OSBPL5: variants seen among roughly 807,000 people sequenced by gnomAD.
OSBPL5 encodes oxysterol-binding protein-related protein 5.
In OSBPL5, 71 loss-of-function variants were observed where a neutral mutation model predicts 111.2. The ratio of observed to expected loss-of-function variants is 0.64; its 90% CI spans 0.53 to 0.78. The LOEUF (loss-of-function observed/expected upper bound fraction) is 0.78. Among genes scored for constraint, OSBPL5 ranks in the 30% least tolerant of loss-of-function variants. OSBPL5 has a pLI of 0.00. For synonymous variants in OSBPL5, 549 were observed against 513.9 expected (o/e 1.07, Z -0.93); for missense variants, 1,210 against 1,189.3 (o/e 1.02, Z -0.26).
rs749891136 is a variant in OSBPL5 at position 3,104,320 on chromosome 11, T to C, written c.1117A>G (p.Thr373Ala). Residue 373 changes from threonine (T) to alanine (A), a missense_variant, in exon 10 of 22, where the codon ACC (threonine) becomes GCC (alanine). Physicochemically the swap from Thr to Ala is moderately conservative, Grantham distance 58 (BLOSUM62 0). Coordinates refer to ENST00000263650, the MANE Select transcript of OSBPL5 (RefSeq NM_020896.4). This position sits in a 1 kb window ranked among gnomAD's most constrained non-coding sequence, Gnocchi z 5.0. Reference sequence around the variant, plus strand: ...CCTGGCCGTAGCTGCTTCAGCAGGGTCCACATCAGACTCTTGTTCTCCTCT... The same window carrying C: ...CCTGGCCGTAGCTGCTTCAGCAGGGCCCACATCAGACTCTTGTTCTCCTCT... ...VSEENKSLMW[T>A]LLKQLRPGMD... 1 of 1,613,416 alleles carries C rather than the reference T, an allele frequency of 6.2e-7. No individual in the cohort carries two copies. Among genetic ancestry groups the C allele is most frequent in the Non-Finnish European group, 8.5e-7 (1 of 1,179,976 alleles).
chr11:3,123,496 G>A (rs750592222), intron 3 of OSBPL5, among the ~76,000 whole-genome samples: 2 of 152,270 alleles, frequency 1.3e-5, no homozygotes, highest in African/African-American at 2.4e-5. Flanking sequence ...TTGGATGGCT[G>A]TGCTGAGTAC....
intron 14 of OSBPL5, among the ~76,000 whole-genome samples, chr11:3,099,432 C>T (rs1021019654): frequency 3.9e-5 from 6 of 152,126 alleles, no homozygotes; most frequent in Non-Finnish European, 7.4e-5. Flanking sequence ...AAATGTAGCA[C>T]CTCAGTGTGA....
In OSBPL5 at chr11:3,142,378, G is replaced by T. The variant is rs1464440407; in HGVS notation, c.-21-13209C>A. ...CAGATGGTCCAAGAGAACACTTTCT[G>T]GGCTGCTGGTCTGTACAACTGGGAA... On this transcript the variant is annotated intron_variant, in intron 1 of 21. Coordinates refer to ENST00000263650, the MANE Select transcript of OSBPL5 (RefSeq NM_020896.4). This position sits in a 1 kb window ranked among gnomAD's most constrained non-coding sequence, Gnocchi z 7.1. Among the ~76,000 whole-genome samples, 1 of 152,148 alleles carries T rather than the reference G, an allele frequency of 6.6e-6. No homozygotes were observed. The highest frequency in any genetic ancestry group is 1.9e-4 in the East Asian group (1 of 5,186).
intron 1 of OSBPL5, among the ~76,000 whole-genome samples, chr11:3,150,330 C>A (rs1184501282): frequency 6.6e-6 from 1 of 152,108 alleles, no homozygotes; most frequent in Non-Finnish European, 1.5e-5. Flanking sequence ...TTTTTGGTTC[C>A]CAGGTAAACA....
Position 3,109,626 on chromosome 11 carries a change from G to A in OSBPL5, c.692-1681C>T, listed in dbSNP as rs1390289170. ...GGTCTCTAGAGCTGCCCTTCTCATT[G>A]GGTTGGGGGGATATCTGGGATCCTG... On this transcript the variant is annotated intron_variant, in intron 7 of 21. Transcript: ENST00000263650. This position sits in a 1 kb window ranked among gnomAD's most constrained non-coding sequence, Gnocchi z 7.4. Among the ~76,000 whole-genome samples the A allele has an allele frequency of 1.3e-5, 2 of 152,122 alleles. No homozygotes were observed. Among genetic ancestry groups the A allele is most frequent in the African/African-American group, 2.4e-5 (1 of 41,406 alleles).
chr11:3,131,786 CA>C (rs1845803056), intron 1 of OSBPL5, among the ~76,000 whole-genome samples: 1 of 100,828 alleles, frequency 9.9e-6, no homozygotes. Context: ...TCCATCCATC[CA>C]TCCACCTACC....
intron 14 of OSBPL5, among the ~76,000 whole-genome samples, chr11:3,097,021 G>GAGGAGAGGAAAGA (rs1564824559): frequency 9.6e-5 from 1 of 10,380 alleles, no homozygotes; most frequent in African/African-American, 3.4e-4. Context: ...AAGACGGGAG[G>GAGGAGAGGAAAGA]GGGAGGAGAG....
intron 1 of OSBPL5, among the ~76,000 whole-genome samples, chr11:3,153,429 A>C (rs1257245028): frequency 6.6e-6 from 1 of 151,882 alleles, no homozygotes; most frequent in Non-Finnish European, 1.5e-5. Context: ...TAAAGATCTG[A>C]GCCTCCATGG....
At chr11:3,100,077 C>G (rs1244937021) in intron 14 of OSBPL5, 81 bp downstream of exon 14, 1 of 1,250,380 alleles carries the variant, frequency 8.0e-7, no homozygotes, top group South Asian at 1.3e-5. Context: ...TACCTTCAAG[C>G]AAATAACCAA....
chr11:3,103,112 C>A (rs1443599654), intron 11 of OSBPL5, 127 bp downstream of exon 11: 1 of 774,280 alleles, frequency 1.3e-6, no homozygotes, highest in Non-Finnish European at 2.0e-6. Flanking sequence ...GTGGGGGTGA[C>A]CAGGATCCTT....
At chr11:3,145,410 T>C (rs993015695) in intron 1 of OSBPL5, among the ~76,000 whole-genome samples, 4 of 152,144 alleles carry the variant, frequency 2.6e-5, no homozygotes, top group African/African-American at 9.7e-5. Context: ...CCCATTCCCT[T>C]GGTCACATCC....
At position 3,151,144 on chromosome 11, in the gene OSBPL5, A is replaced by G. The variant is rs997152039; in HGVS notation, c.-22+14072T>C. ...AGGCGGAGATCGGAGTGATGCCGCC[A>G]CGAGCCAAGGAACACCTGGAGCCCC... On this transcript the variant is annotated intron_variant, in intron 1 of 21. Transcript: ENST00000263650. Among the ~76,000 whole-genome samples the G allele has an allele frequency of 2.0e-5, 3 of 152,280 alleles. No homozygotes were observed. The East Asian group carries it at 5.8e-4, about 29-fold the overall frequency.
intron 11 of OSBPL5, 78 bp from the exon 12 acceptor site, chr11:3,102,359 G>T (rs1411773987): frequency 5.0e-6 from 7 of 1,395,038 alleles, no homozygotes; most frequent in Non-Finnish European, 7.0e-6. Context: ...GGATGTGGAC[G>T]GAGGGGCAGC....
chr11:3,101,602 C>G lies in OSBPL5; in HGVS notation c.1522+1G>C. The stretch of plus-strand genomic sequence containing the variant: ...GGGAGCGCCCAGGGTGACCCCCTCA[C>G]CATAAAACCTGGACTTGGCTGTGAT... On this transcript the variant is annotated splice_donor_variant, in intron 13 of 21. Transcript: ENST00000263650. LOFTEE classifies it high-confidence loss of function. The G allele has an allele frequency of 6.2e-7, 1 of 1,613,326 alleles. No homozygotes were observed. The highest frequency in any genetic ancestry group is 8.5e-7 in the Non-Finnish European group (1 of 1,179,566).
chr11:3,151,193 A>T (rs1846573928), intron 1 of OSBPL5, among the ~76,000 whole-genome samples: 2 of 152,082 alleles, frequency 1.3e-5, no homozygotes, highest in South Asian at 4.2e-4. Context: ...AGGCAGGAAG[A>T]ATCCTCCCCC....
intron 7 of OSBPL5, among the ~76,000 whole-genome samples, chr11:3,117,969 C>G (rs1289850280): frequency 6.6e-6 from 1 of 152,174 alleles, no homozygotes; most frequent in African/African-American, 2.4e-5. Flanking sequence ...TGTTGTTTTT[C>G]TGCCTTCCTC....
intron 10 of OSBPL5, 72 bp from the exon 11 acceptor site, chr11:3,103,392 C>T (rs1418729965): frequency 7.2e-7 from 1 of 1,391,328 alleles, no homozygotes; most frequent in Non-Finnish European, 9.9e-7. Context: ...CCTGACCCTT[C>T]CCTCCTACCA....
At chr11:3,152,312 C>T (rs1590730693) in intron 1 of OSBPL5, among the ~76,000 whole-genome samples, 2 of 152,224 alleles carry the variant, frequency 1.3e-5, no homozygotes, top group South Asian at 4.1e-4. Context: ...CAATGATTAA[C>T]ACGTCTTCTA....
In OSBPL5 at chr11:3,089,950, TG is replaced by T; in HGVS notation, c.2399-3del. The T allele has an allele frequency of 6.5e-7, 1 of 1,541,212 alleles. No homozygotes were observed. Among genetic ancestry groups the T allele is most frequent in the Non-Finnish European group, 8.8e-7 (1 of 1,141,136 alleles). ...ACCGAGGGCATGGGCTCTCACCGCC[TG>T]GGACGGCCCCGAGTGAGACAAAGGA... On this transcript the variant is annotated splice_region_variant and splice_polypyrimidine_tract_variant and intron_variant, in intron 20 of 21. Transcript: ENST00000263650.
Sources: gnomAD v4.1 joint callset for allele counts (sites outside exome capture counted in the v4.1 genomes callset) on GRCh38, gnomAD v4.1.1 for gene constraint, Gnocchi (gnomAD v3.1) non-coding constraint, MANE v1.5 for transcripts, NCBI Gene and HGNC (gene_info 2026-07-23, HGNC 2026-07-21) for gene names.